The following LRIG1 variants were observed in gnomAD, a reference collection of about 807,000 sequenced individuals.
LRIG1 encodes leucine-rich repeats and immunoglobulin-like domains protein 1.
LRIG1 carries 48 observed loss-of-function variants against 99.2 expected under a neutral mutation model. That is an observed-to-expected ratio of 0.48 (90% confidence interval 0.38 to 0.62). LRIG1 has a LOEUF of 0.62. Ranked by LOEUF, LRIG1 falls within the 20% of genes least tolerant of loss-of-function variation. The pLI, the probability that LRIG1 is intolerant of heterozygous loss-of-function variation, is 0.00. For synonymous variants in LRIG1, 772 were observed against 596.1 expected, an observed-to-expected ratio of 1.29 and a Z score of -4.30; for missense variants, 1,646 against 1,434.4, an observed-to-expected ratio of 1.15 and a Z score of -2.38.
intron 3 of LRIG1, among the ~76,000 whole-genome samples, chr3:66,432,987 C>CA (rs1202160725): frequency 6.6e-6 from 1 of 152,220 alleles, no homozygotes; most frequent in African/African-American, 2.4e-5. Context: ...AGCATGTCAA[C>CA]ACAGCATTGC....
At chr3:66,425,508 G>A (rs1702950366) in intron 3 of LRIG1, among the ~76,000 whole-genome samples, 1 of 152,086 alleles carries the variant, frequency 6.6e-6, no homozygotes. Context: ...TGCCATCGAG[G>A]GAGGAAGGAG....
At chr3:66,482,973 T>C (rs934012429) in intron 1 of LRIG1, among the ~76,000 whole-genome samples, 6 of 152,182 alleles carry the variant, frequency 3.9e-5, no homozygotes, top group African/African-American at 1.4e-4. Context: ...TTCTTCTTTA[T>C]TCAATAAATG....
At position 66,394,046 on chromosome 3, in the gene LRIG1, C is replaced by A; in HGVS notation, c.1462G>T (p.Val488Leu). Residue 488 changes from valine to leucine, a missense_variant, in exon 12 of 19, where the codon GTG (valine) becomes TTG (leucine). Transcript: ENST00000273261. Reference protein sequence around the residue: ...SIFSVPPESFVCDDFLKPQII... With the variant: ...SIFSVPPESFLCDDFLKPQII... ...GTTACAAAGACAGTCTTACCGCACA[C>A]GAAACTCTCTGGTGGCACAGAGAAA... 1 of 1,614,026 alleles carries A rather than the reference C, an allele frequency of 6.2e-7. No individual in the cohort carries two copies. Among genetic ancestry groups the A allele is most frequent in the Non-Finnish European group, 8.5e-7 (1 of 1,179,992 alleles).
intron 1 of LRIG1, among the ~76,000 whole-genome samples, chr3:66,463,764 G>A (rs563873277): frequency 2.0e-5 from 3 of 152,190 alleles, no homozygotes; most frequent in African/African-American, 4.8e-5. Flanking sequence ...AAAGTGTCAC[G>A]TATTGTGGCA....
chr3:66,455,860 C>T (rs1014851386), intron 2 of LRIG1, among the ~76,000 whole-genome samples: 7 of 152,084 alleles, frequency 4.6e-5, no homozygotes, highest in South Asian at 2.1e-4. Flanking sequence ...ATTATTTTAG[C>T]GTAGGATATA....
intron 9 of LRIG1, among the ~76,000 whole-genome samples, chr3:66,403,438 T>A (rs2107995910): frequency 6.6e-6 from 1 of 152,286 alleles, no homozygotes; most frequent in East Asian, 1.9e-4. Flanking sequence ...AGATGCTGAC[T>A]CAGTGGCTGG....
In LRIG1 at chr3:66,380,468, G is replaced by A. The variant is rs1257392442; in HGVS notation, c.3077C>T (p.Ala1026Val). The A allele has an allele frequency of 6.8e-6, 11 of 1,614,144 alleles. No homozygotes were observed. Among genetic ancestry groups the A allele is most frequent in the Admixed American group, 1.7e-5 (1 of 60,020 alleles). The change falls in exon 19 of 19, where the codon GCA becomes GTA. Residue 1026 changes from alanine (A) to valine (V), a missense_variant. Ala to Val is a moderately conservative substitution (Grantham distance 64). Transcript: ENST00000273261. The part of the protein sequence containing the change: ...DGKGDSSWTL[A>V]RLYHPDSTEL... ...TGTGGAGTCCGGGTGATACAACCTTGCTAAAGTCCAGGAAGAATCCCCTAC... is the reference window on the plus strand; with the variant it reads ...TGTGGAGTCCGGGTGATACAACCTTACTAAAGTCCAGGAAGAATCCCCTAC...
intron 1 of LRIG1, among the ~76,000 whole-genome samples, chr3:66,493,793 C>T (rs1004508268): frequency 3.2e-5 from 4 of 123,638 alleles, no homozygotes; most frequent in East Asian, 2.3e-4. Context: ...GAAACCCTGT[C>T]GAAAGAAAGA....
intron 2 of LRIG1, among the ~76,000 whole-genome samples, chr3:66,456,572 T>TA (rs35291779): frequency 0.18 from 22,175 of 121,522 alleles, 2,100 homozygotes; most frequent in Admixed American, 0.25. Flanking sequence ...GATCCTGTCT[T>TA]AAAAAAAAAA....
intron 1 of LRIG1, among the ~76,000 whole-genome samples, chr3:66,473,637 C>T (rs1163747562): frequency 6.6e-6 from 1 of 152,232 alleles, no homozygotes; most frequent in East Asian, 1.9e-4. Context: ...CATACAAATA[C>T]AGACAGCAGA....
intron 3 of LRIG1, among the ~76,000 whole-genome samples, chr3:66,444,953 G>GTGTATATATATGTGTATA: frequency 6.6e-6 from 1 of 151,372 alleles, no homozygotes; most frequent in Non-Finnish European, 1.5e-5. Flanking sequence ...ATATACGTGT[G>GTGTATATATATGTGTATA]TATATGTATG....
intron 14 of LRIG1, 124 bp downstream of exon 14, chr3:66,383,867 C>G: frequency 7.2e-7 from 1 of 1,391,340 alleles, no homozygotes; most frequent in Non-Finnish European, 9.5e-7. Context: ...AAAGCAGCCC[C>G]AAATTTCAAA....
chr3:66,461,482 T>G (rs1700352993), intron 2 of LRIG1, among the ~76,000 whole-genome samples: 1 of 152,132 alleles, frequency 6.6e-6, no homozygotes, highest in African/African-American at 2.4e-5. Flanking sequence ...AACAGGACAT[T>G]CAAAAACTTT....
chr3:66,419,537 T>C (rs1575676442), intron 3 of LRIG1, among the ~76,000 whole-genome samples: 1 of 151,568 alleles, frequency 6.6e-6, no homozygotes, highest in African/African-American at 2.4e-5. Flanking sequence ...TGTCTGAGGG[T>C]AGGATGCTGA....
At chr3:66,421,503 G>C (rs1004249633) in intron 3 of LRIG1, among the ~76,000 whole-genome samples, 3 of 152,196 alleles carry the variant, frequency 2.0e-5, no homozygotes, top group African/African-American at 7.2e-5. Context: ...CTCACATCCA[G>C]ATCACGCTGA....
rs181261819 is a variant in LRIG1, at chr3:66,474,579, C to T, written c.219-12070G>A. The stretch of plus-strand genomic sequence containing the variant: ...CAGGCTGGTCTTGAACTCCTGACCT[C>T]AGGTGATCCGCCCGCCTCGGCCTCC... On this transcript the variant is annotated intron_variant, in intron 1 of 18. Transcript: ENST00000273261. 7.8e-4 allele frequency among the ~76,000 whole-genome samples: 119 copies of T among 152,264 alleles called. No homozygotes were observed. The East Asian group carries it at 0.019, about 24-fold the overall frequency.
chr3:66,380,897 G>A, intron 17 of LRIG1, 36 bp from the exon 18 acceptor site: 1 of 1,601,376 alleles, frequency 6.2e-7, no homozygotes, highest in African/African-American at 1.3e-5. Flanking sequence ...TAGAGTCACT[G>A]CTGTGGGAGT....
chr3:66,379,632 G>C lies in LRIG1; in HGVS notation c.*631C>G, dbSNP rs1021825781. On this transcript the variant is annotated 3_prime_UTR_variant, in exon 19 of 19. Coordinates refer to ENST00000273261, the MANE Select transcript of LRIG1 (RefSeq NM_015541.3). Reference sequence around the variant, plus strand: ...GACAGACAGGACTTAAACCTAAAAGGAAAAGCCATTCACTGCAAGTGTGGA... The same window carrying C: ...GACAGACAGGACTTAAACCTAAAAGCAAAAGCCATTCACTGCAAGTGTGGA... 3.3e-5 allele frequency: 5 copies of C among 151,960 alleles called. No homozygotes were observed. The highest frequency in any genetic ancestry group is 2.0e-4 in the Admixed American group (3 of 15,278). 9.4% of individuals were successfully genotyped at this position (151,960 alleles called of 1,614,324 possible).
intron 1 of LRIG1, among the ~76,000 whole-genome samples, chr3:66,482,514 G>A (rs1050251358): frequency 1.3e-5 from 2 of 152,186 alleles, no homozygotes; most frequent in African/African-American, 4.8e-5. Flanking sequence ...CATGATTACA[G>A]AAATAAACAG....
Sources: gnomAD v4.1 joint callset for allele counts (sites outside exome capture counted in the v4.1 genomes callset) on GRCh38, gnomAD v4.1.1 for gene constraint, MANE v1.5 for transcripts, NCBI Gene and HGNC (gene_info 2026-07-23, HGNC 2026-07-21) for gene names.